Variants in MEIS2 observed in about 807,000 individuals in gnomAD.
The protein encoded by MEIS2 is Meis homeobox 2.
In MEIS2, 9 loss-of-function variants were observed where a neutral mutation model predicts 58.6. That is an observed-to-expected ratio of 0.15 (90% CI 0.09 to 0.27). MEIS2 has a LOEUF of 0.27. MEIS2 is among the 10% of genes least tolerant of loss of function. MEIS2 has a pLI of 1.00. For missense variants in MEIS2, 427 were observed against 635.0 expected (o/e 0.67, Z 3.52); for synonymous variants, 221 against 228.4 (o/e 0.97, Z 0.29).
At chr15:37,091,395 T>C (rs866421208) in intron 6 of MEIS2, among the ~76,000 whole-genome samples, 1 of 152,144 alleles carries the variant, frequency 6.6e-6, no homozygotes, top group Admixed American at 6.5e-5. Flanking sequence ...TCAAAACAAA[T>C]AGCAGGGGGC....
intron 8 of MEIS2, among the ~76,000 whole-genome samples, chr15:36,998,236 G>GTTTTTTTTTTTT (rs5811954): frequency 4.5e-5 from 3 of 66,772 alleles, no homozygotes; most frequent in African/African-American, 5.7e-5. Flanking sequence ...AAAACACAAA[G>GTTTTTTTTTTTT]TTTTTTTTTT....
chr15:36,903,275 C>T (rs1004583837), intron 9 of MEIS2, among the ~76,000 whole-genome samples: 24 of 152,138 alleles, frequency 1.6e-4, no homozygotes, highest in Admixed American at 7.2e-4. Flanking sequence ...AGCTATTTAT[C>T]ATGCACTATA....
Position 36,988,764 on chromosome 15 carries a change from A to G in MEIS2, c.901-38364T>C, listed in dbSNP as rs188474407. 1.1e-4 allele frequency among the ~76,000 whole-genome samples: 16 copies of G among 152,368 alleles called. No individual in the cohort carries two copies. In the East Asian group the frequency reaches 2.9e-3, roughly 28 times the overall value. On this transcript the variant is annotated intron_variant, in intron 8 of 11. Coordinates refer to ENST00000561208, the MANE Select transcript of MEIS2 (RefSeq NM_170675.5). ...TCTCTTCAATTCAATGAGATGTTCA[A>G]GATTTGGCAGTTCCCCCAAACAATA...
chr15:36,995,116 C>T (rs923495905), intron 8 of MEIS2, among the ~76,000 whole-genome samples: 1 of 152,178 alleles, frequency 6.6e-6, no homozygotes, highest in African/African-American at 2.4e-5. Context: ...TCACAACTTA[C>T]AGAAATTTCA....
At chr15:37,009,283 C>G (rs886353098) in intron 8 of MEIS2, among the ~76,000 whole-genome samples, 1 of 151,012 alleles carries the variant, frequency 6.6e-6, no homozygotes, top group Non-Finnish European at 1.5e-5. Flanking sequence ...AGCGAGACTC[C>G]GTCTCAAAAA....
At chr15:37,008,587 A>G (rs762740243) in intron 8 of MEIS2, among the ~76,000 whole-genome samples, 2 of 152,210 alleles carry the variant, frequency 1.3e-5, no homozygotes, top group African/African-American at 2.4e-5. Context: ...GGATCTTTAG[A>G]TAAAGACTTT....
chr15:37,018,427 A>C (rs535100513), intron 8 of MEIS2, among the ~76,000 whole-genome samples: 283 of 152,358 alleles, frequency 1.9e-3, no homozygotes, highest in African/African-American at 6.5e-3. Context: ...TTTTAGATTT[A>C]TTATATTATG....
chr15:37,094,727 TAGTC>T (rs916070742), intron 4 of MEIS2, 150 bp from the exon 5 acceptor site: 15 of 621,440 alleles, frequency 2.4e-5, no homozygotes, highest in Non-Finnish European at 3.7e-5. Flanking sequence ...CATCAAGAAA[TAGTC>T]AGAAAAATCA....
intron 8 of MEIS2, among the ~76,000 whole-genome samples, chr15:36,963,596 T>C (rs1466487957): frequency 6.6e-6 from 1 of 152,196 alleles, no homozygotes; most frequent in Non-Finnish European, 1.5e-5. Flanking sequence ...TTATAAAGTC[T>C]TCATCTTCTT....
chr15:37,048,346 A>G (rs1281035279), intron 7 of MEIS2, among the ~76,000 whole-genome samples: 2 of 152,138 alleles, frequency 1.3e-5, no homozygotes, highest in Non-Finnish European at 1.5e-5. Context: ...GTATTTATCA[A>G]TAATAAAATT....
rs371273710 is a variant in MEIS2, at chr15:37,010,401, C to T, written c.900+26413G>A. On this transcript the variant is annotated intron_variant, in intron 8 of 11. Coordinates refer to ENST00000561208, the MANE Select transcript of MEIS2 (RefSeq NM_170675.5). ...CACGCCCGGCCTATTTCTTTGTTTTCAGACAGGGTCTCCCTCTGTACCCCA... is the reference window on the plus strand; with the variant it reads ...CACGCCCGGCCTATTTCTTTGTTTTTAGACAGGGTCTCCCTCTGTACCCCA... Among the ~76,000 whole-genome samples, 52 of 150,104 alleles carry T rather than the reference C, an allele frequency of 3.5e-4. 1 individual carries two copies. In the South Asian group the frequency reaches 0.01, roughly 29 times the overall value.
intron 8 of MEIS2, among the ~76,000 whole-genome samples, chr15:37,026,057 A>C (rs946762848): frequency 2.0e-5 from 3 of 152,166 alleles, no homozygotes; most frequent in African/African-American, 7.2e-5. Context: ...TAAAAAAAAA[A>C]TCACTGTGAG....
chr15:37,049,165 C>A (rs912075112), intron 7 of MEIS2, among the ~76,000 whole-genome samples: 1 of 152,036 alleles, frequency 6.6e-6, no homozygotes, highest in Non-Finnish European at 1.5e-5. Context: ...CACATAATAG[C>A]CCTAGAGAAA....
intron 8 of MEIS2, among the ~76,000 whole-genome samples, chr15:37,006,942 G>T (rs543788489): frequency 2.6e-5 from 4 of 152,294 alleles, no homozygotes; most frequent in African/African-American, 9.6e-5. Context: ...AAATCTGTGT[G>T]TCTTACACTG....
chr15:36,923,175 A>C (rs1051542754), intron 9 of MEIS2, among the ~76,000 whole-genome samples: 1 of 152,224 alleles, frequency 6.6e-6, no homozygotes, highest in African/African-American at 2.4e-5. Flanking sequence ...CACAAAAGGT[A>C]CTTGCAATGT....
intron 8 of MEIS2, among the ~76,000 whole-genome samples, chr15:37,018,296 G>A (rs1054158606): frequency 5.3e-5 from 8 of 152,088 alleles, no homozygotes; most frequent in Non-Finnish European, 8.8e-5. Context: ...GGACCTTGCC[G>A]GCATCTAAAT....
chr15:37,096,487 G>A, intron 2 of MEIS2, 57 bp from the exon 3 acceptor site: 1 of 1,578,366 alleles, frequency 6.3e-7, no homozygotes, highest in South Asian at 1.2e-5. Flanking sequence ...AGAGGGGAAG[G>A]AGCAAGAACT....
In MEIS2 at chr15:36,934,516, G is replaced by A. The variant is rs1300872803; in HGVS notation, c.977+15808C>T. ...ATTTGCCTTCTGCTTTCTGATCCCT[G>A]ATGGTTTTAACTTGAAGGCATTTAA... On this transcript the variant is annotated intron_variant, in intron 9 of 11. Coordinates refer to ENST00000561208, the MANE Select transcript of MEIS2 (RefSeq NM_170675.5). 3.9e-5 allele frequency among the ~76,000 whole-genome samples: 6 copies of A among 152,164 alleles called. No individual in the cohort carries two copies. The East Asian group carries it at 1.2e-3, about 29-fold the overall frequency.
At chr15:37,075,277 G>T (rs1891252053) in intron 7 of MEIS2, among the ~76,000 whole-genome samples, 1 of 151,812 alleles carries the variant, frequency 6.6e-6, no homozygotes, top group Non-Finnish European at 1.5e-5. Context: ...AGACATTAAA[G>T]GACAAATAAG....
Sources: gnomAD v4.1 joint callset for allele counts (sites outside exome capture counted in the v4.1 genomes callset) on GRCh38, gnomAD v4.1.1 for gene constraint, MANE v1.5 for transcripts, NCBI Gene and HGNC (gene_info 2026-07-23, HGNC 2026-07-21) for gene names.